Variants in KCNH8 observed in about 807,000 individuals in gnomAD.
KCNH8 encodes the protein voltage-gated delayed rectifier potassium channel KCNH8.
Under a neutral mutation model 103.6 loss-of-function variants are expected in KCNH8, and 70 were observed. The ratio of observed to expected loss-of-function variants is 0.68; its 90% CI spans 0.56 to 0.82. KCNH8 has a LOEUF of 0.82. KCNH8 is among the 40% of genes least tolerant of loss of function. KCNH8 has a pLI of 0.00. For missense variants in KCNH8, 1,217 were observed against 1,329.9 expected (o/e 0.92, Z 1.32); for synonymous variants, 498 against 489.4 (o/e 1.02, Z -0.23).
At chr3:19,220,023 C>G (rs1456204765) in intron 1 of KCNH8, among the ~76,000 whole-genome samples, 4 of 152,182 alleles carry the variant, frequency 2.6e-5, no homozygotes, top group South Asian at 4.1e-4. Flanking sequence ...ATAATCACAT[C>G]AAGGTCTCCC....
chr3:19,450,488 G>A (rs980670176), intron 9 of KCNH8, 183 bp downstream of exon 9: 1 of 604,084 alleles, frequency 1.7e-6, no homozygotes, highest in Non-Finnish European at 2.9e-6. Context: ...TTTTCACAAT[G>A]CCAATTTGGA....
chr3:19,186,325 A>G (rs1283881488), intron 1 of KCNH8, among the ~76,000 whole-genome samples: 3 of 151,410 alleles, frequency 2.0e-5, no homozygotes, highest in African/African-American at 7.3e-5. Flanking sequence ...GCAACGCACC[A>G]TTACTGAGCT....
chr3:19,154,663 C>G (rs1005362704), intron 1 of KCNH8, among the ~76,000 whole-genome samples: 1 of 152,206 alleles, frequency 6.6e-6, no homozygotes, highest in Non-Finnish European at 1.5e-5. Context: ...AGGGAGTTAA[C>G]TTTCTCTTAA....
At chr3:19,337,271 T>C (rs1220765374) in intron 3 of KCNH8, among the ~76,000 whole-genome samples, 1 of 151,972 alleles carries the variant, frequency 6.6e-6, no homozygotes, top group Admixed American at 6.6e-5. Flanking sequence ...ACAAAGTGAG[T>C]ATTAAAAAAG....
intron 15 of KCNH8, among the ~76,000 whole-genome samples, chr3:19,530,204 A>G (rs2069136332): frequency 6.6e-6 from 1 of 152,202 alleles, no homozygotes; most frequent in Admixed American, 6.5e-5. Context: ...ACAGAAGTAC[A>G]GTTAGATTAA....
At chr3:19,304,136 C>T (rs1440126227) in intron 3 of KCNH8, among the ~76,000 whole-genome samples, 1 of 152,170 alleles carries the variant, frequency 6.6e-6, no homozygotes, top group Non-Finnish European at 1.5e-5. Flanking sequence ...GAAGTCTATA[C>T]CCTTTCAATA....
chr3:19,357,316 G>C (rs2065892775), intron 5 of KCNH8, among the ~76,000 whole-genome samples: 1 of 151,810 alleles, frequency 6.6e-6, no homozygotes, highest in African/African-American at 2.4e-5. Flanking sequence ...CACTGCAGCT[G>C]TCTTGTTATC....
chr3:19,250,701 G>C (rs1414174739), intron 1 of KCNH8, among the ~76,000 whole-genome samples: 1 of 152,138 alleles, frequency 6.6e-6, no homozygotes, highest in African/African-American at 2.4e-5. Context: ...AAGCCCAGAT[G>C]TTTGATCTCT....
At chr3:19,441,442 A>T (rs2067282764) in intron 8 of KCNH8, among the ~76,000 whole-genome samples, 1 of 152,214 alleles carries the variant, frequency 6.6e-6, no homozygotes, top group Non-Finnish European at 1.5e-5. Flanking sequence ...TAAATCTTCC[A>T]ACTGATGCAG....
intron 3 of KCNH8, among the ~76,000 whole-genome samples, chr3:19,338,463 T>C (rs924701626): frequency 6.6e-6 from 1 of 152,108 alleles, no homozygotes; most frequent in Non-Finnish European, 1.5e-5. Flanking sequence ...TGGTTTGATA[T>C]CACTTTATTA....
chr3:19,479,069 T>A (rs1035673916), intron 11 of KCNH8, among the ~76,000 whole-genome samples: 1 of 152,196 alleles, frequency 6.6e-6, no homozygotes, highest in Non-Finnish European at 1.5e-5. Context: ...TAGCTAATAA[T>A]TGGCAGGACT....
chr3:19,465,521 CACA>C (rs2067717308), intron 11 of KCNH8, among the ~76,000 whole-genome samples: 1 of 152,098 alleles, frequency 6.6e-6, no homozygotes, highest in African/African-American at 2.4e-5. Context: ...TGCCTGCTAA[CACA>C]ACATCTATTC....
At chr3:19,355,680 C>T (rs369594935) in intron 5 of KCNH8, among the ~76,000 whole-genome samples, 157 of 152,114 alleles carry the variant, frequency 1.0e-3, no homozygotes, top group African/African-American at 3.7e-3. Context: ...GGCAATTGAA[C>T]AATGAGAATA....
chr3:19,267,821 A>G (rs2064533767), intron 2 of KCNH8, among the ~76,000 whole-genome samples: 1 of 152,132 alleles, frequency 6.6e-6, no homozygotes, highest in African/African-American at 2.4e-5. Context: ...GTCCCTTATG[A>G]ACTATGTGAT....
At chr3:19,289,766 T>G (rs570986227) in intron 3 of KCNH8, among the ~76,000 whole-genome samples, 2 of 152,332 alleles carry the variant, frequency 1.3e-5, no homozygotes, top group South Asian at 4.1e-4. Flanking sequence ...AAAGTATTTT[T>G]TTCCAATTCT....
At chr3:19,202,229 A>C (rs2063670553) in intron 1 of KCNH8, among the ~76,000 whole-genome samples, 1 of 152,084 alleles carries the variant, frequency 6.6e-6, no homozygotes, top group Non-Finnish European at 1.5e-5. Flanking sequence ...TATCTGGTTT[A>C]GCATGTATTT....
chr3:19,164,567 A>T (rs772763759), intron 1 of KCNH8, among the ~76,000 whole-genome samples: 1 of 152,192 alleles, frequency 6.6e-6, no homozygotes, highest in African/African-American at 2.4e-5. Context: ...GAATCTATAC[A>T]CATGGTTTTG....
At chr3:19,207,458 C>G (rs1342593411) in intron 1 of KCNH8, among the ~76,000 whole-genome samples, 1 of 151,896 alleles carries the variant, frequency 6.6e-6, no homozygotes, top group African/African-American at 2.4e-5. Context: ...TAAAGGATCT[C>G]TTTTAAGAAA....
At chr3:19,377,275 C>T (rs1373425437) in intron 5 of KCNH8, among the ~76,000 whole-genome samples, 2 of 152,172 alleles carry the variant, frequency 1.3e-5, no homozygotes, top group African/African-American at 4.8e-5. Flanking sequence ...ACAGGATCCA[C>T]ATCAGGATCC....
Sources: gnomAD v4.1 joint callset for allele counts (sites outside exome capture counted in the v4.1 genomes callset) on GRCh38, gnomAD v4.1.1 for gene constraint, MANE v1.5 for transcripts, NCBI Gene and HGNC (gene_info 2026-07-23, HGNC 2026-07-21) for gene names.